RAP1B: variants seen among roughly 807,000 people sequenced by gnomAD.
The protein encoded by RAP1B is RAP1B, member of RAS oncogene family, also known as ras-related protein Rap-1b.
Under a neutral mutation model 27.5 loss-of-function variants are expected in RAP1B, and 1 was observed. The observed-to-expected ratio is 0.04, with a 90% CI of 0.01 to 0.17. The LOEUF (loss-of-function observed/expected upper bound fraction) is 0.17. Ranked by LOEUF, RAP1B falls within the 10% of genes least tolerant of loss-of-function variation. The probability of loss-of-function intolerance (pLI) is 1.00; values close to 1 mark genes in which losing one functional copy is unlikely to be tolerated. For missense variants in RAP1B, 84 were observed against 214.8 expected (o/e 0.39, Z 3.81); for synonymous variants, 75 against 73.1 (o/e 1.03, Z -0.13).
chr12:68,628,847 A>G (rs1258220428), intron 1 of RAP1B, among the ~76,000 whole-genome samples: 1 of 152,190 alleles, frequency 6.6e-6, no homozygotes, highest in Non-Finnish European at 1.5e-5. Flanking sequence ...GCTAGTGGCT[A>G]CTATACTGGA....
chr12:68,650,542 A>G, intron 3 of RAP1B, 74 bp downstream of exon 3: 2 of 1,211,666 alleles, frequency 1.7e-6, no homozygotes, highest in Non-Finnish European at 2.2e-6. Context: ...TAATTATTGA[A>G]TGTTTTATAC....
intron 1 of RAP1B, among the ~76,000 whole-genome samples, chr12:68,629,334 T>C (rs1309123525): frequency 6.6e-6 from 1 of 152,186 alleles, no homozygotes; most frequent in African/African-American, 2.4e-5. Flanking sequence ...AAGATTGAAA[T>C]TTAATATATG....
At chr12:68,623,596 A>T (rs2135922371) in intron 1 of RAP1B, among the ~76,000 whole-genome samples, 1 of 152,366 alleles carries the variant, frequency 6.6e-6, no homozygotes, top group East Asian at 1.9e-4. Flanking sequence ...TGAGAGAAAT[A>T]AAAGATAAAA....
rs991436330 is a variant in RAP1B at position 68,659,604 on chromosome 12, A to G, written c.*355A>G. ...CCCATACTTTGTATTGGAGAGTACAATAATGTAAATCCTAAAAGCACCACT... is the reference window on the plus strand; with the variant it reads ...CCCATACTTTGTATTGGAGAGTACAGTAATGTAAATCCTAAAAGCACCACT... On this transcript the variant is annotated 3_prime_UTR_variant, in exon 8 of 8. Transcript: ENST00000250559. 8 of 162,554 alleles carry G rather than the reference A, an allele frequency of 4.9e-5. No individual in the cohort carries two copies. Among genetic ancestry groups the G allele is most frequent in the Non-Finnish European group, 1.1e-4 (8 of 74,276 alleles). 10.1% of individuals were successfully genotyped at this position (162,554 alleles called of 1,614,324 possible).
At chr12:68,616,771 G>T (rs1565655359) in intron 1 of RAP1B, among the ~76,000 whole-genome samples, 1 of 151,952 alleles carries the variant, frequency 6.6e-6, no homozygotes, top group South Asian at 2.1e-4. Flanking sequence ...TCGCCATGTT[G>T]CCCAAGCTCA....
At position 68,671,015 on chromosome 12, in the gene RAP1B, T is replaced by C. The variant is rs569488751; in HGVS notation, c.*11766T>C. The stretch of plus-strand genomic sequence containing the variant: ...TGCACTCCAGCCTGGGCAACAAGAG[T>C]GATACTCCGTTTAAAAAAAAAAAAA... On this transcript the variant is annotated 3_prime_UTR_variant, in exon 8 of 8. Transcript: ENST00000250559. The C allele has an allele frequency of 2.9e-4, 37 of 127,974 alleles. No individual in the cohort carries two copies. Among genetic ancestry groups the C allele is most frequent in the Non-Finnish European group, 4.2e-4 (26 of 62,356 alleles). The allele number at this position is 127,974 out of a possible 1,614,324, so 7.9% of individuals were successfully genotyped here.
intron 5 of RAP1B, among the ~76,000 whole-genome samples, chr12:68,655,193 C>G (rs1874117417): frequency 6.6e-6 from 1 of 151,914 alleles, no homozygotes; most frequent in Admixed American, 6.6e-5. Context: ...TGGCGCGTGC[C>G]TGTGGTCTCA....
intron 4 of RAP1B, among the ~76,000 whole-genome samples, chr12:68,652,809 A>G (rs1424337460): frequency 6.6e-6 from 1 of 152,124 alleles, no homozygotes; most frequent in African/African-American, 2.4e-5. Context: ...AAGTTTAGAA[A>G]ATGTGTTAGA....
chr12:68,633,490 AAC>A (rs1218299621), intron 1 of RAP1B, among the ~76,000 whole-genome samples: 1 of 152,204 alleles, frequency 6.6e-6, no homozygotes, highest in African/African-American at 2.4e-5. Context: ...TAATTTATAA[AAC>A]AGAGTGTCTT....
rs548061939 is a variant in RAP1B, at chr12:68,615,892, A to G, written c.-27+4849A>G. 9.9e-5 allele frequency among the ~76,000 whole-genome samples: 15 copies of G among 152,216 alleles called. No homozygotes were observed. In the South Asian group the frequency reaches 2.7e-3, roughly 27 times the overall value. ...TTTTTTTCCGGTACTGGGGGATTGA[A>G]TGTTTTTAACTGTTGTGCAGATAGA... On this transcript the variant is annotated intron_variant, in intron 1 of 7. Coordinates refer to ENST00000250559, the MANE Select transcript of RAP1B (RefSeq NM_001010942.3).
Position 68,666,296 on chromosome 12 carries a change from G to A in RAP1B, c.*7047G>A, listed in dbSNP as rs770193084. On this transcript the variant is annotated 3_prime_UTR_variant, in exon 8 of 8. Transcript: ENST00000250559. ...AATTCTTCTTTTTAATTGGATTCTC[G>A]TATGTTGATCTATTTCTATTGTTTT... 6 of 152,028 alleles carry A rather than the reference G, an allele frequency of 3.9e-5. No individual in the cohort carries two copies. The highest frequency in any genetic ancestry group is 6.6e-5 in the Admixed American group (1 of 15,256). The allele number at this position is 152,028 out of a possible 1,614,324, so 9.4% of individuals were successfully genotyped here. A position where few individuals can be genotyped will look rare whatever the true frequency, so the allele number is the denominator to read the frequency against.
At chr12:68,619,183 G>A (rs1156344428) in intron 1 of RAP1B, among the ~76,000 whole-genome samples, 1 of 152,162 alleles carries the variant, frequency 6.6e-6, no homozygotes, top group African/African-American at 2.4e-5. Context: ...TGAGTCACAC[G>A]CTGAATCAAT....
At chr12:68,616,827 A>C (rs1214270305) in intron 1 of RAP1B, among the ~76,000 whole-genome samples, 3 of 151,990 alleles carry the variant, frequency 2.0e-5, no homozygotes, top group Non-Finnish European at 4.4e-5. Flanking sequence ...TGGCCTCCCA[A>C]GTGCTGGGAT....
chr12:68,641,628 C>T (rs757367770), intron 1 of RAP1B, among the ~76,000 whole-genome samples: 2 of 152,032 alleles, frequency 1.3e-5, no homozygotes, highest in Non-Finnish European at 2.9e-5. Context: ...TAGTTGCAGT[C>T]ACGCAAATTT....
chr12:68,615,522 G>T (rs1024653765), intron 1 of RAP1B, among the ~76,000 whole-genome samples: 1 of 151,684 alleles, frequency 6.6e-6, no homozygotes, highest in African/African-American at 2.4e-5. Flanking sequence ...CTGGGAGGCG[G>T]AGGTTGCAGT....
At chr12:68,635,217 C>G (rs1352406793) in intron 1 of RAP1B, among the ~76,000 whole-genome samples, 1 of 152,010 alleles carries the variant, frequency 6.6e-6, no homozygotes, top group Non-Finnish European at 1.5e-5. Flanking sequence ...TGTTTGGGCC[C>G]CTTATTTTTT....
intron 1 of RAP1B, among the ~76,000 whole-genome samples, chr12:68,618,072 C>A (rs1045197676): frequency 9.4e-6 from 1 of 105,932 alleles, no homozygotes; most frequent in Non-Finnish European, 1.9e-5. Flanking sequence ...TGTATTAGTT[C>A]TTGTTCTATA....
At chr12:68,623,866 A>G (rs1871556262) in intron 1 of RAP1B, among the ~76,000 whole-genome samples, 2 of 152,342 alleles carry the variant, frequency 1.3e-5, no homozygotes, top group African/African-American at 4.8e-5. Flanking sequence ...CTAAAAATAC[A>G]AAAACTTAGC....
intron 1 of RAP1B, among the ~76,000 whole-genome samples, chr12:68,615,990 G>C (rs1159454723): frequency 2.0e-5 from 3 of 150,284 alleles, no homozygotes; most frequent in Non-Finnish European, 4.4e-5. Flanking sequence ...TTGAGATGGA[G>C]TCCCACTCTG....
Sources: gnomAD v4.1 joint callset for allele counts (sites outside exome capture counted in the v4.1 genomes callset) on GRCh38, gnomAD v4.1.1 for gene constraint, MANE v1.5 for transcripts, NCBI Gene and HGNC (gene_info 2026-07-23, HGNC 2026-07-21) for gene names.